CCDC83: variants seen among roughly 807,000 people sequenced by gnomAD.
CCDC83 encodes the protein coiled-coil domain containing 83, also known as coiled-coil domain-containing protein 83.
In CCDC83, 54 loss-of-function variants were observed where a neutral mutation model predicts 50.1. That is an observed-to-expected ratio of 1.08 (90% CI 0.87 to 1.35). CCDC83 has a LOEUF of 1.35. Among genes scored for constraint, CCDC83 ranks in the 40% most tolerant of loss-of-function variants. CCDC83 has a pLI of 0.00. For synonymous variants in CCDC83, 161 were observed against 153.3 expected (o/e 1.05, Z -0.37); for missense variants, 518 against 473.9 (o/e 1.09, Z -0.86).
chr11:85,856,572 A>C (rs2153680833), intron 1 of CCDC83, among the ~76,000 whole-genome samples: 1 of 152,356 alleles, frequency 6.6e-6, no homozygotes, highest in South Asian at 2.1e-4. Flanking sequence ...CTAATTTTAA[A>C]GCTAAGACTC....
At chr11:85,917,649 T>C (rs1001299037) in intron 10 of CCDC83, among the ~76,000 whole-genome samples, 3 of 152,212 alleles carry the variant, frequency 2.0e-5, no homozygotes, top group African/African-American at 7.2e-5. Context: ...GAATTTGATG[T>C]CTGGTAGTGG....
At position 85,898,896 on chromosome 11, in the gene CCDC83, T is replaced by C. The variant is rs377441614; in HGVS notation, c.604-51T>C. ...TAACTGCACATCACTATTGCTAAAA[T>C]TGTGAATCAGCATGTGGCAACTCTT... is the stretch of plus-strand genomic sequence containing the variant. On this transcript the variant is annotated intron_variant, in intron 6 of 10. Transcript: ENST00000342404. 4.1e-6 allele frequency: 5 copies of C among 1,220,904 alleles called. No homozygotes were observed. In the African/African-American group the frequency reaches 6.0e-5, roughly 15 times the overall value. The allele number at this position is 1,220,904 out of a possible 1,614,324, so 75.6% of individuals were successfully genotyped here.
At position 85,916,172 on chromosome 11, in the gene CCDC83, G is replaced by A. The variant is rs2093476486; in HGVS notation, c.1019G>A (p.Gly340Asp). Residue 340 changes from glycine to aspartate, a missense_variant, in exon 10 of 11, where the codon GGC becomes GAC. Coordinates refer to ENST00000342404, the MANE Select transcript of CCDC83 (RefSeq NM_001286159.2). Reference protein sequence around the residue: ...YVKIDKEENSGTEFGDTDMKY... With the variant: ...YVKIDKEENSDTEFGDTDMKY... Reference sequence around the variant, plus strand: ...AAGATAGATAAAGAGGAAAACTCAGGCACAGAGTTTGGGGACACTGATATG... The same window carrying A: ...AAGATAGATAAAGAGGAAAACTCAGACACAGAGTTTGGGGACACTGATATG... The A allele has an allele frequency of 5.0e-6, 8 of 1,612,966 alleles. No individual in the cohort carries two copies. In the Middle Eastern group the frequency reaches 1.3e-3, roughly 266 times the overall value.
chr11:85,891,038 T>C (rs1469599423), intron 5 of CCDC83, among the ~76,000 whole-genome samples: 1 of 152,156 alleles, frequency 6.6e-6, no homozygotes, highest in African/African-American at 2.4e-5. Flanking sequence ...GACAGAATGA[T>C]ATCAGCGGTG....
intron 1 of CCDC83, among the ~76,000 whole-genome samples, chr11:85,862,016 A>AT (rs2093178960): frequency 2.1e-5 from 3 of 142,868 alleles, no homozygotes; most frequent in African/African-American, 7.6e-5. Flanking sequence ...AAAAAAAAAA[A>AT]AAAAAGAGAG....
At chr11:85,917,804 T>C (rs1426882808) in intron 10 of CCDC83, 1 of 152,212 alleles carries the variant, frequency 6.6e-6, no homozygotes, top group Non-Finnish European at 1.5e-5. Context: ...TCCATGCGTA[T>C]CTTGGAATCA....
At chr11:85,898,567 T>C (rs1296151392) in intron 6 of CCDC83, among the ~76,000 whole-genome samples, 1 of 152,226 alleles carries the variant, frequency 6.6e-6, no homozygotes, top group Non-Finnish European at 1.5e-5. Context: ...GATAGTAATC[T>C]GTTCATGTTT....
intron 3 of CCDC83, among the ~76,000 whole-genome samples, chr11:85,879,551 C>T (rs896451908): frequency 1.3e-5 from 2 of 152,098 alleles, no homozygotes; most frequent in African/African-American, 4.8e-5. Context: ...CAATGAGGTA[C>T]CACTTTCTCC....
At chr11:85,918,167 G>C (rs149013018) in intron 10 of CCDC83, among the ~76,000 whole-genome samples, 3,536 of 152,230 alleles carry the variant, frequency 0.023, 115 homozygotes, top group Non-Finnish European at 0.025. Flanking sequence ...CAACATGCCA[G>C]GTCCTTGTTA....
At chr11:85,917,953 G>A (rs2093490224) in intron 10 of CCDC83, 1 of 152,170 alleles carries the variant, frequency 6.6e-6, no homozygotes, top group African/African-American at 2.4e-5. Context: ...TGGCCATGGT[G>A]TATTACTTGA....
intron 4 of CCDC83, among the ~76,000 whole-genome samples, chr11:85,883,109 G>A (rs1199703645): frequency 6.6e-6 from 1 of 151,990 alleles, no homozygotes; most frequent in Admixed American, 6.6e-5. Flanking sequence ...GTAGAGATGA[G>A]GTCTTGCTAT....
intron 6 of CCDC83, among the ~76,000 whole-genome samples, chr11:85,896,331 A>G (rs2093375073): frequency 7.0e-6 from 1 of 142,726 alleles, no homozygotes; most frequent in Non-Finnish European, 1.5e-5. Flanking sequence ...AGCCCAGGAG[A>G]TCGAGGCTGT....
chr11:85,888,744 C>T (rs1260921049), intron 5 of CCDC83, among the ~76,000 whole-genome samples: 1 of 151,954 alleles, frequency 6.6e-6, no homozygotes, highest in African/African-American at 2.4e-5. Flanking sequence ...AGAGAGTGAT[C>T]CAACTTTATT....
At chr11:85,896,947 G>C (rs2093378701) in intron 6 of CCDC83, among the ~76,000 whole-genome samples, 1 of 152,104 alleles carries the variant, frequency 6.6e-6, no homozygotes, top group Non-Finnish European at 1.5e-5. Flanking sequence ...TGTTGGTTCA[G>C]TTGTTCTTTT....
At chr11:85,878,660 AG>A (rs2093281902) in intron 3 of CCDC83, among the ~76,000 whole-genome samples, 1 of 152,230 alleles carries the variant, frequency 6.6e-6, no homozygotes. Flanking sequence ...GGTATTTTTA[AG>A]AACAAAAGTT....
intron 1 of CCDC83, among the ~76,000 whole-genome samples, chr11:85,858,811 G>T (rs898682026): frequency 6.6e-6 from 1 of 152,122 alleles, no homozygotes; most frequent in African/African-American, 2.4e-5. Flanking sequence ...AAAAGCAGCA[G>T]CTATATTGAA....
chr11:85,870,707 C>G (rs1592142932), intron 2 of CCDC83, among the ~76,000 whole-genome samples: 1 of 152,102 alleles, frequency 6.6e-6, no homozygotes, highest in African/African-American at 2.4e-5. Context: ...GCCCTATCTA[C>G]TATAGTAGTC....
chr11:85,899,303 T>C (rs1003273770), intron 7 of CCDC83, among the ~76,000 whole-genome samples: 4 of 152,220 alleles, frequency 2.6e-5, no homozygotes, highest in Non-Finnish European at 5.9e-5. Flanking sequence ...ATGAGCCTGC[T>C]TCCTCCTGGG....
intron 5 of CCDC83, among the ~76,000 whole-genome samples, chr11:85,887,978 A>AT (rs887313637): frequency 6.6e-6 from 1 of 151,828 alleles, no homozygotes; most frequent in Admixed American, 6.6e-5. Flanking sequence ...AATTTTATTT[A>AT]TTTTTTGTAG....
Sources: gnomAD v4.1 joint callset for allele counts (sites outside exome capture counted in the v4.1 genomes callset) on GRCh38, gnomAD v4.1.1 for gene constraint, MANE v1.5 for transcripts, NCBI Gene and HGNC (gene_info 2026-07-23, HGNC 2026-07-21) for gene names.